Variants in MRTFB observed in about 807,000 individuals in gnomAD.
MRTFB encodes myocardin-related transcription factor B.
MRTFB carries 29 observed loss-of-function variants against 104.2 expected under a neutral mutation model. The observed-to-expected ratio is 0.28, with a 90% CI of 0.21 to 0.38. The LOEUF is 0.38. Ranked by LOEUF, MRTFB falls within the 10% of genes least tolerant of loss-of-function variation. MRTFB has a pLI of 1.00. For missense variants in MRTFB, 1,270 were observed against 1,341.6 expected (o/e 0.95, Z 0.83); for synonymous variants, 535 against 519.5 (o/e 1.03, Z -0.41).
At chr16:14,094,696 T>C (rs2035264670) in intron 2 of MRTFB, among the ~76,000 whole-genome samples, 1 of 152,210 alleles carries the variant, frequency 6.6e-6, no homozygotes, top group South Asian at 2.1e-4. Flanking sequence ...GTTTGTAAAT[T>C]TCTTTAATTA....
chr16:14,053,156 C>T, the MRTFB span, among the ~76,000 whole-genome samples: 68 of 152,060 alleles, frequency 4.5e-4, no homozygotes, highest in African/African-American at 1.5e-3. Context: ...AAACTCCTGG[C>T]CTCAAGTGAT....
chr16:14,173,200 T>A (rs1430168621), intron 3 of MRTFB, among the ~76,000 whole-genome samples: 1 of 152,190 alleles, frequency 6.6e-6, no homozygotes, highest in Non-Finnish European at 1.5e-5. Context: ...CCTTGGATGT[T>A]TTCATTTTTT....
At chr16:14,031,441 C>T in the MRTFB span, among the ~76,000 whole-genome samples, 2 of 148,174 alleles carry the variant, frequency 1.3e-5, no homozygotes, top group South Asian at 2.2e-4. Flanking sequence ...TTTGAAAAAA[C>T]ATTTATCATT....
intron 2 of MRTFB, among the ~76,000 whole-genome samples, chr16:14,096,142 T>C (rs934771730): frequency 6.6e-6 from 1 of 152,056 alleles, no homozygotes; most frequent in African/African-American, 2.4e-5. Flanking sequence ...AGTGGCGCGA[T>C]CTTGGCCCAC....
chr16:14,100,793 A>T (rs771904835), intron 2 of MRTFB, among the ~76,000 whole-genome samples: 28 of 152,144 alleles, frequency 1.8e-4, no homozygotes, highest in Non-Finnish European at 3.1e-4. Context: ...TTCTTGAGTG[A>T]GTTTAGTAGT....
chr16:14,142,575 A>T (rs1271795697), intron 3 of MRTFB: 1 of 152,160 alleles, frequency 6.6e-6, no homozygotes. Flanking sequence ...AAGAACCCAC[A>T]TTTACCTTAG....
chr16:13,998,318 G>A, the MRTFB span, among the ~76,000 whole-genome samples: 2,643 of 152,090 alleles, frequency 0.017, 83 homozygotes, highest in African/African-American at 0.061. Flanking sequence ...AACAGACCTG[G>A]GATTCTTAGA....
At chr16:14,111,362 A>G (rs1318767795) in intron 2 of MRTFB, among the ~76,000 whole-genome samples, 2 of 151,818 alleles carry the variant, frequency 1.3e-5, no homozygotes, top group Non-Finnish European at 2.9e-5. Context: ...TTTGCCCTTA[A>G]TAAAATAGAA....
chr16:14,071,393 G>A (rs1219761831), intron 1 of MRTFB, 28 bp downstream of exon 1: 3 of 162,126 alleles, frequency 1.9e-5, no homozygotes, highest in Non-Finnish European at 3.9e-5. Flanking sequence ...GCGGCCGTTG[G>A]GGGCTGAGGC....
the MRTFB span, among the ~76,000 whole-genome samples, chr16:14,029,443 TATAC>T: frequency 1.5e-5 from 1 of 65,284 alleles, no homozygotes; most frequent in African/African-American, 3.8e-5. Context: ...TATATATATA[TATAC>T]ACACACACAC....
chr16:14,145,728 G>A (rs2038277800), intron 3 of MRTFB, among the ~76,000 whole-genome samples: 1 of 152,194 alleles, frequency 6.6e-6, no homozygotes, highest in African/African-American at 2.4e-5. Context: ...ATATACAGGG[G>A]ATTGAGCTTC....
At position 14,090,164 on chromosome 16, in the gene MRTFB, A is replaced by G. The variant is rs186539462; in HGVS notation, c.-64+10810A>G. ...TAATTTTGATGAAGTCCAGTTTTCC[A>G]ATTTGTTTTGGTTGCTTGTGCCATT... On this transcript the variant is annotated intron_variant, in intron 2 of 16. Coordinates refer to ENST00000571589, the MANE Select transcript of MRTFB (RefSeq NM_001308142.2). 3.2e-3 allele frequency among the ~76,000 whole-genome samples: 494 copies of G among 152,104 alleles called. 21 individuals are homozygous for G. Among genetic ancestry groups the G allele is most frequent in the Non-Finnish European group, 5.3e-4 (36 of 67,986 alleles).
intron 9 of MRTFB, among the ~76,000 whole-genome samples, chr16:14,238,553 A>G (rs2042625047): frequency 2.0e-5 from 3 of 152,302 alleles, no homozygotes; most frequent in African/African-American, 4.8e-5. Context: ...GATCTAGGCT[A>G]TCATCACACA....
Position 14,197,978 on chromosome 16 carries a change from C to G in MRTFB, c.155-12265C>G, listed in dbSNP as rs146327970. On this transcript the variant is annotated intron_variant, in intron 3 of 16. Coordinates refer to ENST00000571589, the MANE Select transcript of MRTFB (RefSeq NM_001308142.2). ...ACATAACATAAAATTAACGATTAAG[C>G]AGTTGCTGTCATGCTCCCTTCCCCG... Among the ~76,000 whole-genome samples, 366 of 152,162 alleles carry G rather than the reference C, an allele frequency of 2.4e-3. 3 individuals carry two copies. The highest frequency in any genetic ancestry group is 8.5e-3 in the African/African-American group (351 of 41,504).
the MRTFB span, among the ~76,000 whole-genome samples, chr16:14,062,627 C>A: frequency 6.6e-6 from 1 of 152,114 alleles, no homozygotes; most frequent in Non-Finnish European, 1.5e-5. Context: ...AAGGGGTCGA[C>A]GTCCTTGGAT....
At position 14,243,928 on chromosome 16, in the gene MRTFB, C is replaced by T. The variant is rs907049526; in HGVS notation, c.1080-1600C>T. 2.7e-5 allele frequency among the ~76,000 whole-genome samples: 4 copies of T among 146,060 alleles called. No individual in the cohort carries two copies. The South Asian group carries it at 6.6e-4, about 24-fold the overall frequency. On this transcript the variant is annotated intron_variant, in intron 10 of 16. Coordinates refer to ENST00000571589, the MANE Select transcript of MRTFB (RefSeq NM_001308142.2). ...AGGCTGGAGTGCAGTGGTGCAATCT[C>T]GGCTCACTGCAAGCTCTGCCTCTCG...
At chr16:14,075,334 C>A (rs1206075691) in intron 1 of MRTFB, among the ~76,000 whole-genome samples, 1 of 152,214 alleles carries the variant, frequency 6.6e-6, no homozygotes, top group Non-Finnish European at 1.5e-5. Flanking sequence ...AGTGTGGTGC[C>A]CACACCATCA....
chr16:14,203,948 G>A (rs2040830884), intron 3 of MRTFB, among the ~76,000 whole-genome samples: 1 of 151,860 alleles, frequency 6.6e-6, no homozygotes, highest in Non-Finnish European at 1.5e-5. Flanking sequence ...TATTTTAAAG[G>A]TTTTGTTTTG....
chr16:14,091,286 C>T (rs1031076581), intron 2 of MRTFB, among the ~76,000 whole-genome samples: 3 of 152,066 alleles, frequency 2.0e-5, no homozygotes, highest in Non-Finnish European at 2.9e-5. Flanking sequence ...TAACAGAAAC[C>T]TCACTCAAAC....
Sources: allele counts gnomAD v4.1 joint callset (sites outside exome capture counted in the v4.1 genomes callset), GRCh38; gene constraint gnomAD v4.1.1; transcripts MANE v1.5; gene names NCBI Gene and HGNC (gene_info 2026-07-23, HGNC 2026-07-21).